Variants in COL3A1 observed in about 807,000 individuals in gnomAD.
COL3A1 encodes the protein collagen alpha-1(III) chain.
A neutral mutation model predicts 200.9 loss-of-function variants in COL3A1; 46 were observed. That is an observed-to-expected ratio of 0.23 (90% CI 0.18 to 0.29). The LOEUF (loss-of-function observed/expected upper bound fraction) is 0.29, where lower values mean the gene tolerates loss of function less well. Ranked by LOEUF, COL3A1 falls within the 10% of genes least tolerant of loss-of-function variation. COL3A1 has a pLI of 1.00. For synonymous variants in COL3A1, 650 were observed against 628.0 expected, an observed-to-expected ratio of 1.03 and a Z score of -0.52; for missense variants, 1,367 against 1,917.6, an observed-to-expected ratio of 0.71 and a Z score of 5.36.
rs775731382 is a variant in COL3A1 at position 188,988,150 on chromosome 2, G to A, written c.582+16G>A. The A allele has an allele frequency of 6.2e-6, 10 of 1,607,802 alleles. No individual in the cohort carries two copies. Among genetic ancestry groups the A allele is most frequent in the African/African-American group, 1.3e-5 (1 of 74,760 alleles). ...TGGTTCCCCTGTAAGTATAGCCATTGGTGGTGTTTTCTTCCTCATTTTTAG... is the reference window on the plus strand; with the variant it reads ...TGGTTCCCCTGTAAGTATAGCCATTAGTGGTGTTTTCTTCCTCATTTTTAG... On this transcript the variant is annotated intron_variant, in intron 6 of 50. Coordinates refer to ENST00000304636, the MANE Select transcript of COL3A1 (RefSeq NM_000090.4).
chr2:189,003,444 C>T lies in COL3A1; in HGVS notation c.2587C>T (p.Arg863Cys), dbSNP rs568639668. 5.0e-6 allele frequency: 8 copies of T among 1,613,438 alleles called. No individual in the cohort carries two copies. The highest frequency in any genetic ancestry group is 1.7e-5 in the Admixed American group (1 of 59,972). ...PPGPQGVKGE[R>C]GSPGGPGAAG... ...TGGTCCCCAAGGTGTCAAAGGTGAA[C>T]GTGGCAGTCCTGGTGGACCTGTAAG... The change falls in exon 37 of 51, where the codon CGT (arginine) becomes TGT (cysteine). Residue 863 changes from arginine to cysteine, a missense_variant. Arg to Cys is a radical substitution (Grantham distance 180). Around this residue, in one of 5 missense-constraint regions of COL3A1, gnomAD observed 846 missense variants for 1,147.9 expected, o/e 0.74. Transcript: ENST00000304636.
At chr2:188,992,308 T>A in intron 14 of COL3A1, 80 bp downstream of exon 14, 1 of 1,195,028 alleles carries the variant, frequency 8.4e-7, no homozygotes, top group Admixed American at 1.7e-5. Context: ...TTTATATATG[T>A]ATATACTCTT....
Position 189,001,576 on chromosome 2 carries a change from C to A in COL3A1, c.2378C>A (p.Pro793His). 1 of 1,613,930 alleles carries A rather than the reference C, an allele frequency of 6.2e-7. No individual in the cohort carries two copies. Among genetic ancestry groups the A allele is most frequent in the East Asian group, 2.2e-5 (1 of 44,876 alleles). Reference sequence around the variant, plus strand: ...CCCGGACTTCCAGGTATAGCTGGACCTCGTGGTAGCCCTGTAAGTGTTAAA... The same window carrying A: ...CCCGGACTTCCAGGTATAGCTGGACATCGTGGTAGCCCTGTAAGTGTTAAA... ...GAPGLPGIAG[P>H]RGSPGERGET... Residue 793 changes from proline to histidine, a missense_variant, in exon 34 of 51, where the codon CCT becomes CAT. Pro to His is a moderately conservative substitution (Grantham distance 77). This residue lies in a region of COL3A1 where 846 missense variants were observed against 1,147.9 expected (regional missense o/e 0.74). Coordinates refer to ENST00000304636, the MANE Select transcript of COL3A1 (RefSeq NM_000090.4).
chr2:188,992,201 C>T lies in COL3A1; in HGVS notation c.969C>T (p.Asp323=), dbSNP rs779278835. The change falls in exon 14 of 51, where the codon GAC becomes GAT. Residue 323 remains aspartate (D), a synonymous_variant. Coordinates refer to ENST00000304636, the MANE Select transcript of COL3A1 (RefSeq NM_000090.4). ...LPGAAGARGN[D]GARGSDGQPG... ...CTTTTTAGGGTGCTCGGGGTAATGACGGTGCTCGAGGCAGTGATGGTCAAC... is the reference window on the plus strand; with the variant it reads ...CTTTTTAGGGTGCTCGGGGTAATGATGGTGCTCGAGGCAGTGATGGTCAAC... 1.7e-5 allele frequency: 27 copies of T among 1,613,652 alleles called. No homozygotes were observed. Among genetic ancestry groups the T allele is most frequent in the East Asian group, 1.1e-4 (5 of 44,832 alleles).
intron 8 of COL3A1, among the ~76,000 whole-genome samples, chr2:188,989,678 T>C (rs1688145113): frequency 6.6e-6 from 1 of 152,172 alleles, no homozygotes; most frequent in South Asian, 2.1e-4. Context: ...GCTTTTTGAC[T>C]GCGGAGAAGA....
At chr2:188,978,756 CAAAAAAA>C (rs55694521) in intron 1 of COL3A1, among the ~76,000 whole-genome samples, 1 of 87,810 alleles carries the variant, frequency 1.1e-5, no homozygotes, top group Non-Finnish European at 2.4e-5. Context: ...TTTCCACACT[CAAAAAAA>C]AAAAAAAAAA....
rs1255019004 is a variant in COL3A1 at position 188,997,401 on chromosome 2, CAT to C, written c.1869+16_1869+17del. 4.3e-6 allele frequency: 7 copies of C among 1,612,724 alleles called. No individual in the cohort carries two copies. Among genetic ancestry groups the C allele is most frequent in the East Asian group, 2.2e-5 (1 of 44,872 alleles). On this transcript the variant is annotated intron_variant, in intron 26 of 50. Coordinates refer to ENST00000304636, the MANE Select transcript of COL3A1 (RefSeq NM_000090.4). ...CCCCAGGGCCTACTGTAAGTTCACT[CAT>C]ATAAAATTGGAGATGAAAATAGGGT...
intron 40 of COL3A1, 86 bp downstream of exon 40, chr2:189,004,450 T>C: frequency 7.9e-7 from 1 of 1,263,862 alleles, no homozygotes; most frequent in Admixed American, 2.1e-5. Context: ...GAAAAGTTTT[T>C]CTGTCACTGG....
chr2:188,993,962 T>G (rs1026551349), intron 16 of COL3A1, 76 bp from the exon 17 acceptor site: 5 of 1,410,590 alleles, frequency 3.5e-6, no homozygotes, highest in Non-Finnish European at 4.0e-6. Context: ...TACATTTATT[T>G]TCACACAAAC....
intron 1 of COL3A1, among the ~76,000 whole-genome samples, chr2:188,981,849 G>A (rs1576459409): frequency 2.0e-5 from 3 of 151,598 alleles, no homozygotes; most frequent in East Asian, 1.9e-4. Flanking sequence ...GTCATGCATG[G>A]AATAATAAAG....
chr2:188,997,434 T>C, intron 26 of COL3A1, 45 bp downstream of exon 26: 1 of 1,568,604 alleles, frequency 6.4e-7, no homozygotes, highest in Non-Finnish European at 8.8e-7. Flanking sequence ...AGGGTGGAGG[T>C]GGGGCAGGAA....
chr2:188,995,686 A>G lies in COL3A1; in HGVS notation c.1510-6A>G. ...TAATTTTTTTAAAATTTCTTTCACT[A>G]CTTAGGGTCCTGCTGGAGAGCGTGG... On this transcript the variant is annotated splice_region_variant and splice_polypyrimidine_tract_variant and intron_variant, in intron 21 of 50. Transcript: ENST00000304636. The G allele has an allele frequency of 1.9e-6, 3 of 1,548,978 alleles. No individual in the cohort carries two copies. The highest frequency in any genetic ancestry group is 2.6e-6 in the Non-Finnish European group (3 of 1,144,470).
At chr2:189,006,754 T>C (rs191011366) in intron 43 of COL3A1, among the ~76,000 whole-genome samples, 183 bp from the exon 44 acceptor site, 1 of 152,120 alleles carries the variant, frequency 6.6e-6, no homozygotes, top group African/African-American at 2.4e-5. Context: ...TCTGTCTAGA[T>C]CCCCTGAGAA....
At chr2:188,982,160 A>G (rs1687966283) in intron 1 of COL3A1, among the ~76,000 whole-genome samples, 1 of 151,678 alleles carries the variant, frequency 6.6e-6, no homozygotes, top group Non-Finnish European at 1.5e-5. Flanking sequence ...TAAGAATATG[A>G]TAATTTTTAA....
intron 15 of COL3A1, 78 bp downstream of exon 15, chr2:188,993,018 G>C (rs1688220799): frequency 1.5e-6 from 2 of 1,349,434 alleles, no homozygotes; most frequent in Admixed American, 1.7e-5. Context: ...TCTTGCAACT[G>C]ATTTTTTTAA....
At chr2:188,991,579 T>C in intron 12 of COL3A1, 48 bp downstream of exon 12, 3 of 1,601,472 alleles carry the variant, frequency 1.9e-6, no homozygotes, top group Non-Finnish European at 2.6e-6. Flanking sequence ...ATTAACCTCA[T>C]TGTTACCTAA....
At chr2:188,997,661 A>G (rs780753719) in intron 26 of COL3A1, 39 bp from the exon 27 acceptor site, 1 of 1,585,650 alleles carries the variant, frequency 6.3e-7, no homozygotes, top group East Asian at 2.2e-5. Context: ...TAAATATAAA[A>G]GGATGTTTAC....
rs1160515468 is a variant in COL3A1, at chr2:188,999,908, A to C, written c.2283+13A>C. On this transcript the variant is annotated intron_variant, in intron 32 of 50. Coordinates refer to ENST00000304636, the MANE Select transcript of COL3A1 (RefSeq NM_000090.4). ...AGATGGCCCAAGGGTGAGTATTCCC[A>C]GTGAGGAGAAGCAGGCCTTATCTAT... The C allele has an allele frequency of 6.3e-7, 1 of 1,581,318 alleles. No individual in the cohort carries two copies. The highest frequency in any genetic ancestry group is 8.6e-7 in the Non-Finnish European group (1 of 1,164,010).
chr2:189,002,447 C>T lies in COL3A1; in HGVS notation c.2445+96C>T, dbSNP rs13306258. 1.2e-4 allele frequency: 123 copies of T among 1,055,152 alleles called. 1 individual carries two copies. In the East Asian group the frequency reaches 3.0e-3, roughly 25 times the overall value. The allele number at this position is 1,055,152 out of a possible 1,614,324, so 65.4% of individuals were successfully genotyped here. ...TATAGTCAAGTTTGGTTTCTAGTCT[C>T]ATTTTAGCTGCTCATTCCCTATAGG... On this transcript the variant is annotated intron_variant, in intron 35 of 50. Transcript: ENST00000304636.
Sources: allele counts gnomAD v4.1 joint callset (sites outside exome capture counted in the v4.1 genomes callset), GRCh38; gene constraint gnomAD v4.1.1; regional missense constraint gnomAD v4.1.1; transcripts MANE v1.5; gene names NCBI Gene and HGNC (gene_info 2026-07-23, HGNC 2026-07-21).